Variants in PDE4D observed in about 807,000 individuals in gnomAD.
PDE4D encodes 3',5'-cyclic-AMP phosphodiesterase 4D.
Under a neutral mutation model 87.4 loss-of-function variants are expected in PDE4D, and 24 were observed. The ratio of observed to expected loss-of-function variants is 0.27; its 90% CI spans 0.20 to 0.39. The LOEUF is 0.39. Among genes scored for constraint, PDE4D ranks in the 10% least tolerant of loss-of-function variants. PDE4D has a pLI of 1.00. For synonymous variants in PDE4D, 384 were observed against 383.2 expected (o/e 1.00, Z -0.02); for missense variants, 714 against 1,041.0 (o/e 0.69, Z 4.32).
chr5:59,912,232 A>G lies in PDE4D; in HGVS notation c.272+76256T>C, dbSNP rs138787016. On this transcript the variant is annotated intron_variant, in intron 3 of 16. Coordinates refer to the PDE4D transcript ENST00000502484. ...CCAATGACAGAAGAGCCTGATATAT[A>G]GTAGGTGCTCAGAAATCATTTGTTG... Among the ~76,000 whole-genome samples, 4 of 152,348 alleles carry G rather than the reference A, an allele frequency of 2.6e-5. No homozygotes were observed. The South Asian group carries it at 8.3e-4, about 32-fold the overall frequency.
At chr5:59,834,220 T>C (rs928396444) in intron 1 of PDE4D, among the ~76,000 whole-genome samples, 2 of 152,042 alleles carry the variant, frequency 1.3e-5, no homozygotes, top group African/African-American at 4.8e-5. Flanking sequence ...ATGACTTTAT[T>C]GAACACCTAT....
intron 1 of PDE4D, chr5:60,430,850 G>C (rs1213123056): frequency 3.9e-4 from 95 of 244,942 alleles, no homozygotes; most frequent in Admixed American, 1.9e-3. Context: ...AGAGAGCACA[G>C]GGTTGGGGGT....
intron 2 of PDE4D, among the ~76,000 whole-genome samples, chr5:59,200,324 T>TAC (rs1243696474): frequency 8.1e-6 from 1 of 124,118 alleles, no homozygotes; most frequent in Non-Finnish European, 1.7e-5. Flanking sequence ...CACGTATACA[T>TAC]ACACGTGTAT....
At chr5:59,928,406 C>T (rs10054633) in intron 3 of PDE4D, among the ~76,000 whole-genome samples, 58,308 of 151,806 alleles carry the variant, frequency 0.38, 12,366 homozygotes, top group East Asian at 0.74. Flanking sequence ...CCTGAGACAC[C>T]GTCTCTACCG....
At chr5:60,270,787 G>A (rs573575039) in intron 1 of PDE4D, among the ~76,000 whole-genome samples, 9 of 152,272 alleles carry the variant, frequency 5.9e-5, no homozygotes, top group African/African-American at 2.2e-4. Context: ...CTCTGAAACA[G>A]TAACCCTGGA....
chr5:59,891,313 ACT>A (rs1198658756), intron 1 of PDE4D, among the ~76,000 whole-genome samples: 2 of 152,186 alleles, frequency 1.3e-5, no homozygotes, highest in Non-Finnish European at 2.9e-5. Context: ...CAATTAAGAA[ACT>A]CTACAAAATC....
intron 1 of PDE4D, among the ~76,000 whole-genome samples, chr5:59,654,699 A>G (rs1389201056): frequency 6.6e-6 from 1 of 152,052 alleles, no homozygotes; most frequent in Non-Finnish European, 1.5e-5. Context: ...TATTTTCAGT[A>G]CACCCCCCAA....
At chr5:59,908,382 C>A (rs764522774) in intron 3 of PDE4D, among the ~76,000 whole-genome samples, 33 of 152,250 alleles carry the variant, frequency 2.2e-4, no homozygotes, top group South Asian at 1.5e-3. Context: ...TTGGTTACGG[C>A]TTCCGAAAAC....
At chr5:60,283,075 A>G (rs1752094479) in intron 1 of PDE4D, among the ~76,000 whole-genome samples, 1 of 152,070 alleles carries the variant, frequency 6.6e-6, no homozygotes. Context: ...TTTTCTGTCT[A>G]CTTACTCTAC....
At chr5:60,461,174 A>T (rs1376794653) in intron 1 of PDE4D, among the ~76,000 whole-genome samples, 1 of 152,238 alleles carries the variant, frequency 6.6e-6, no homozygotes, top group Non-Finnish European at 1.5e-5. Context: ...TTTCCCTTCA[A>T]ACATCCATCT....
At chr5:59,678,026 T>G (rs1271480361) in intron 1 of PDE4D, among the ~76,000 whole-genome samples, 1 of 152,144 alleles carries the variant, frequency 6.6e-6, no homozygotes, top group African/African-American at 2.4e-5. Context: ...AACAAATAAA[T>G]AATCCCATGA....
intron 2 of PDE4D, among the ~76,000 whole-genome samples, chr5:60,160,162 C>T (rs1173624685): frequency 6.6e-6 from 1 of 152,074 alleles, no homozygotes; most frequent in Non-Finnish European, 1.5e-5. Flanking sequence ...TTCTTAATAA[C>T]ATTTTCTTTT....
chr5:60,114,109 G>A (rs1053115140), intron 2 of PDE4D, among the ~76,000 whole-genome samples: 2 of 152,086 alleles, frequency 1.3e-5, no homozygotes, highest in Non-Finnish European at 2.9e-5. Context: ...TAAAGTTGAT[G>A]CTCCACCCGA....
intron 2 of PDE4D, among the ~76,000 whole-genome samples, chr5:59,990,068 A>G (rs537279973): frequency 1.3e-5 from 2 of 152,258 alleles, no homozygotes; most frequent in South Asian, 4.1e-4. Context: ...AGAAGTTTAT[A>G]TTTCTCAAAA....
chr5:59,264,002 G>A (rs779611687), intron 1 of PDE4D, among the ~76,000 whole-genome samples: 1 of 151,910 alleles, frequency 6.6e-6, no homozygotes, highest in Non-Finnish European at 1.5e-5. Context: ...TTCTTCATAG[G>A]TGACAAATAG....
At chr5:59,471,030 C>T (rs1275358904) in intron 1 of PDE4D, among the ~76,000 whole-genome samples, 3 of 152,056 alleles carry the variant, frequency 2.0e-5, no homozygotes, top group Non-Finnish European at 4.4e-5. Flanking sequence ...TTGCTTAAGC[C>T]CAGCAGTTTG....
chr5:60,037,118 A>G (rs1353454006), intron 2 of PDE4D, among the ~76,000 whole-genome samples: 4 of 152,208 alleles, frequency 2.6e-5, no homozygotes, highest in African/African-American at 9.7e-5. Flanking sequence ...TTCATCACAG[A>G]ACAAAACTAG....
chr5:59,836,677 CTATCTACCT>C (rs1742153366), intron 1 of PDE4D, among the ~76,000 whole-genome samples: 3 of 151,770 alleles, frequency 2.0e-5, no homozygotes, highest in Non-Finnish European at 4.4e-5. Context: ...ACCTATCTAT[CTATCTACCT>C]ATCTATCTAT....
chr5:60,232,840 AC>A (rs1745973549), intron 1 of PDE4D, among the ~76,000 whole-genome samples: 1 of 151,832 alleles, frequency 6.6e-6, no homozygotes, highest in African/African-American at 2.4e-5. Flanking sequence ...AGAGGGTGAG[AC>A]AGACCAAATA....
Sources: gnomAD v4.1 joint callset for allele counts (sites outside exome capture counted in the v4.1 genomes callset) on GRCh38, gnomAD v4.1.1 for gene constraint, MANE v1.5 for transcripts, NCBI Gene and HGNC (gene_info 2026-07-23, HGNC 2026-07-21) for gene names.